ADGRL3: variants seen among roughly 807,000 people sequenced by gnomAD.
ADGRL3 encodes the protein adhesion G protein-coupled receptor L3.
In ADGRL3, 62 loss-of-function variants were observed where a neutral mutation model predicts 153.5. The ratio of observed to expected loss-of-function variants is 0.40; its 90% CI spans 0.33 to 0.50. The LOEUF (loss-of-function observed/expected upper bound fraction) is 0.50, where lower values mean the gene tolerates loss of function less well. Among genes scored for constraint, ADGRL3 ranks in the 20% least tolerant of loss-of-function variants. The probability of loss-of-function intolerance (pLI) is 0.47; values close to 1 mark genes in which losing one functional copy is unlikely to be tolerated. For missense variants in ADGRL3, 1,641 were observed against 1,859.4 expected (o/e 0.88, Z 2.16); for synonymous variants, 710 against 672.5 (o/e 1.06, Z -0.86).
chr4:61,418,706 C>A (rs954081690), intron 2 of ADGRL3, among the ~76,000 whole-genome samples: 3 of 150,644 alleles, frequency 2.0e-5, no homozygotes, highest in African/African-American at 7.4e-5. Flanking sequence ...AATCTTTGTT[C>A]ATTTTTAAAT....
intron 2 of ADGRL3, among the ~76,000 whole-genome samples, chr4:61,413,398 G>A (rs1300796130): frequency 1.3e-5 from 2 of 152,088 alleles, no homozygotes; most frequent in Middle Eastern, 3.2e-3. Flanking sequence ...TGGGGTGGCA[G>A]GTCATCACTA....
chr4:61,656,371 T>G (rs2094443909), intron 5 of ADGRL3, among the ~76,000 whole-genome samples: 1 of 150,886 alleles, frequency 6.6e-6, no homozygotes, highest in African/African-American at 2.4e-5. Flanking sequence ...GTGGGGGGGG[T>G]GAAATATACA....
chr4:61,428,871 CTATA>C (rs1422207935), intron 2 of ADGRL3, among the ~76,000 whole-genome samples: 3 of 117,910 alleles, frequency 2.5e-5, no homozygotes, highest in Non-Finnish European at 3.9e-5. Context: ...ATCTATCTAT[CTATA>C]TCATCTATCT....
At chr4:61,681,341 G>T (rs1484661922) in intron 6 of ADGRL3, among the ~76,000 whole-genome samples, 1 of 151,990 alleles carries the variant, frequency 6.6e-6, no homozygotes, top group African/African-American at 2.4e-5. Flanking sequence ...ACACTCAAAA[G>T]GTGTTTGTCT....
At chr4:61,856,907 C>T (rs963078760) in intron 9 of ADGRL3, among the ~76,000 whole-genome samples, 5 of 150,228 alleles carry the variant, frequency 3.3e-5, no homozygotes, top group African/African-American at 1.2e-4. Context: ...GCCTGCCTGC[C>T]TTCCTCCCTC....
intron 8 of ADGRL3, among the ~76,000 whole-genome samples, chr4:61,766,235 T>C (rs2096977875): frequency 6.6e-6 from 1 of 152,020 alleles, no homozygotes; most frequent in African/African-American, 2.4e-5. Context: ...GAGTGGGGTA[T>C]AGCTGAAGGA....
At chr4:61,607,513 T>G (rs1053016062) in intron 5 of ADGRL3, among the ~76,000 whole-genome samples, 4 of 152,042 alleles carry the variant, frequency 2.6e-5, no homozygotes, top group Non-Finnish European at 5.9e-5. Flanking sequence ...AGCAGAAGAA[T>G]CACTTGAACC....
intron 15 of ADGRL3, among the ~76,000 whole-genome samples, chr4:61,945,933 T>A (rs1382284935): frequency 1.3e-5 from 2 of 152,210 alleles, no homozygotes; most frequent in African/African-American, 4.8e-5. Flanking sequence ...ACTGGAGCTG[T>A]TCCTATTCGG....
chr4:61,651,164 C>A (rs2094233459), intron 5 of ADGRL3, among the ~76,000 whole-genome samples: 2 of 152,074 alleles, frequency 1.3e-5, no homozygotes, highest in South Asian at 4.1e-4. Context: ...ATGAGAAAAG[C>A]ATAGAAATCT....
At chr4:61,796,787 T>C (rs2097420135) in intron 8 of ADGRL3, among the ~76,000 whole-genome samples, 1 of 152,184 alleles carries the variant, frequency 6.6e-6, no homozygotes, top group Admixed American at 6.6e-5. Flanking sequence ...TTTAGAATTG[T>C]TTAAACATTA....
intron 4 of ADGRL3, among the ~76,000 whole-genome samples, chr4:61,521,950 A>T: frequency 6.6e-6 from 1 of 152,092 alleles, no homozygotes; most frequent in African/African-American, 2.4e-5. Context: ...GATTCTTAAT[A>T]AAAAAATAAT....
chr4:61,732,516 G>A (rs572372672), intron 7 of ADGRL3, among the ~76,000 whole-genome samples: 16 of 152,064 alleles, frequency 1.1e-4, no homozygotes, highest in Non-Finnish European at 1.9e-4. Context: ...ACAATCACAG[G>A]AATGCACAGC....
chr4:61,200,894 T>G lies in ADGRL3; in HGVS notation c.-1111T>G, dbSNP rs905963. 6.6e-6 allele frequency among the ~76,000 whole-genome samples: 1 copy of G among 152,030 alleles called. No individual in the cohort carries two copies. The highest frequency in any genetic ancestry group is 2.4e-5 in the African/African-American group (1 of 41,544). On this transcript the variant is annotated 5_prime_UTR_variant, in exon 1 of 27. Coordinates refer to ENST00000683033, the MANE Select transcript of ADGRL3 (RefSeq NM_001387552.1). ...AATCATCCACCCCACGGGCTCGGGGTTCGCCGGCCCCCGGGACGCAGCCCT... is the reference window on the plus strand; with the variant it reads ...AATCATCCACCCCACGGGCTCGGGGGTCGCCGGCCCCCGGGACGCAGCCCT...
intron 6 of ADGRL3, among the ~76,000 whole-genome samples, chr4:61,702,312 G>T (rs2095781199): frequency 6.6e-6 from 1 of 152,138 alleles, no homozygotes; most frequent in Admixed American, 6.6e-5. Flanking sequence ...AAGGCACTAT[G>T]CATTGTCTCT....
At chr4:61,902,593 C>T (rs1292892998) in intron 11 of ADGRL3, among the ~76,000 whole-genome samples, 1 of 152,098 alleles carries the variant, frequency 6.6e-6, no homozygotes, top group African/African-American at 2.4e-5. Flanking sequence ...CTTCTCCTTG[C>T]TCACCTCTCC....
At position 61,909,771 on chromosome 4, in the gene ADGRL3, GT is replaced by G. The variant is rs751671833; in HGVS notation, c.2073+27del. ...GTAAGGACCCTAATTATGTGTGTGT[GT>G]GTGTGTGTGTGTGTGTGTGTGTGTG... On this transcript the variant is annotated intron_variant, in intron 12 of 26. Transcript: ENST00000683033. 21 of 1,183,680 alleles carry G rather than the reference GT, an allele frequency of 1.8e-5. No homozygotes were observed. In the South Asian group the frequency reaches 3.6e-4, roughly 20 times the overall value. The allele number at this position is 1,183,680 out of a possible 1,614,324, so 73.3% of individuals were successfully genotyped here.
chr4:61,686,861 C>T (rs2151065369), intron 6 of ADGRL3, among the ~76,000 whole-genome samples: 1 of 152,110 alleles, frequency 6.6e-6, no homozygotes, highest in African/African-American at 2.4e-5. Context: ...ATGAAATCAA[C>T]ATTTTTTGAT....
chr4:61,501,755 A>G (rs2152828661), intron 3 of ADGRL3, among the ~76,000 whole-genome samples: 1 of 152,330 alleles, frequency 6.6e-6, no homozygotes, highest in South Asian at 2.1e-4. Context: ...GGTTAGTTGA[A>G]TAATCCCCAC....
At chr4:61,503,906 G>A (rs1021870221) in intron 3 of ADGRL3, among the ~76,000 whole-genome samples, 2 of 151,990 alleles carry the variant, frequency 1.3e-5, no homozygotes, top group Non-Finnish European at 2.9e-5. Flanking sequence ...TTTTCTGGAA[G>A]GCTATTTGCC....
Sources: gnomAD v4.1 joint callset for allele counts (sites outside exome capture counted in the v4.1 genomes callset) on GRCh38, gnomAD v4.1.1 for gene constraint, MANE v1.5 for transcripts, NCBI Gene and HGNC (gene_info 2026-07-23, HGNC 2026-07-21) for gene names.